Variants in AIM2 observed in about 807,000 individuals in gnomAD.
AIM2 encodes interferon-inducible protein AIM2.
Under a neutral mutation model 27.7 loss-of-function variants are expected in AIM2, and 30 were observed. The observed-to-expected ratio is 1.08, with a 90% CI of 0.81 to 1.47. The LOEUF is 1.47. AIM2 is among the 40% of genes most tolerant of loss of function. The pLI, the probability that AIM2 is intolerant of heterozygous loss-of-function variation, is 0.00. For synonymous variants in AIM2, 141 were observed against 145.3 expected (o/e 0.97, Z 0.21); for missense variants, 358 against 411.3 (o/e 0.87, Z 1.12).
chr1:159,087,432 T>TG (rs1216088426), intron 1 of AIM2, among the ~76,000 whole-genome samples: 2 of 152,026 alleles, frequency 1.3e-5, no homozygotes, highest in African/African-American at 4.8e-5. Context: ...AAGACAAGGA[T>TG]GGGGGGATCA....
At chr1:159,139,370 C>A (rs531563717) in intron 1 of AIM2, among the ~76,000 whole-genome samples, 3 of 152,308 alleles carry the variant, frequency 2.0e-5, no homozygotes, top group African/African-American at 7.2e-5. Flanking sequence ...GCATTCAGAC[C>A]CTTTCCTTTC....
intron 1 of AIM2, among the ~76,000 whole-genome samples, chr1:159,095,827 CA>C (rs1204391438): frequency 3.9e-5 from 6 of 152,070 alleles, no homozygotes; most frequent in African/African-American, 1.4e-4. Context: ...AGGAGAGCCT[CA>C]AAATTTCAAT....
At chr1:159,101,701 C>T (rs1657315004) in intron 1 of AIM2, among the ~76,000 whole-genome samples, 1 of 152,128 alleles carries the variant, frequency 6.6e-6, no homozygotes, top group Admixed American at 6.5e-5. Context: ...TTCTTGGGAG[C>T]TGGAGCAAAC....
intron 1 of AIM2, among the ~76,000 whole-genome samples, chr1:159,087,066 T>C (rs1656930749): frequency 6.6e-6 from 1 of 152,222 alleles, no homozygotes; most frequent in Admixed American, 6.5e-5. Flanking sequence ...TTTATTTAAA[T>C]ACATAATGAA....
rs1656212395 is a variant in AIM2, at chr1:159,068,560, T to C, written c.396+8A>G. On this transcript the variant is annotated splice_region_variant and intron_variant, in intron 3 of 5. Coordinates refer to ENST00000368130, the MANE Select transcript of AIM2 (RefSeq NM_004833.3). ...AGGACAAAGACCACTCCACTCTCCT[T>C]ATCCTACCTTAACATGAGGAGAGAC... 1.2e-6 allele frequency: 2 copies of C among 1,609,854 alleles called. No individual in the cohort carries two copies. Among genetic ancestry groups the C allele is most frequent in the Non-Finnish European group, 1.7e-6 (2 of 1,178,492 alleles).
chr1:159,094,309 T>C (rs1255825897), intron 1 of AIM2, among the ~76,000 whole-genome samples: 1 of 152,178 alleles, frequency 6.6e-6, no homozygotes, highest in Non-Finnish European at 1.5e-5. Context: ...ATTTCATAAA[T>C]TGGGTGGTAG....
chr1:159,057,139 C>A, the AIM2 span, among the ~76,000 whole-genome samples: 2 of 152,196 alleles, frequency 1.3e-5, no homozygotes, highest in African/African-American at 2.4e-5. Flanking sequence ...GTCCCAGCAA[C>A]CTTGGCAGTC....
the AIM2 span, chr1:159,055,121 AAAAT>A: frequency 2.8e-6 from 1 of 359,958 alleles, no homozygotes; most frequent in Middle Eastern, 7.6e-4. Flanking sequence ...ATAATTTGAA[AAAAT>A]AAATAAACAT....
At chr1:159,091,234 T>A (rs1286514214) in intron 1 of AIM2, among the ~76,000 whole-genome samples, 2 of 152,214 alleles carry the variant, frequency 1.3e-5, no homozygotes, top group Non-Finnish European at 2.9e-5. Context: ...AAGGTTACAT[T>A]TTTTATATTT....
At chr1:159,056,514 C>T in the AIM2 span, among the ~76,000 whole-genome samples, 2 of 151,882 alleles carry the variant, frequency 1.3e-5, no homozygotes, top group African/African-American at 4.8e-5. Flanking sequence ...CCCTCAGAGG[C>T]CTATTTAAGG....
At chr1:159,127,286 T>C (rs1383423553) in intron 1 of AIM2, among the ~76,000 whole-genome samples, 2 of 152,236 alleles carry the variant, frequency 1.3e-5, no homozygotes, top group East Asian at 3.8e-4. Context: ...GTATAATTTA[T>C]TTCACAATAA....
At chr1:159,064,277 G>T (rs1260667258) in intron 4 of AIM2, among the ~76,000 whole-genome samples, 2 of 152,200 alleles carry the variant, frequency 1.3e-5, no homozygotes, top group Non-Finnish European at 2.9e-5. Context: ...AGGCAGACGT[G>T]TCTTACTTAG....
chr1:159,066,191 C>T lies in AIM2; in HGVS notation c.535G>A (p.Ala179Thr). 1 of 1,614,192 alleles carries T rather than the reference C, an allele frequency of 6.2e-7. No individual in the cohort carries two copies. The highest frequency in any genetic ancestry group is 8.5e-7 in the Non-Finnish European group (1 of 1,180,038). ...AATTCCTTTTCTGTAGCCACTGTAGCATGAAACATCTCCTGCTTGCCTTCT... is the reference window on the plus strand; with the variant it reads ...AATTCCTTTTCTGTAGCCACTGTAGTATGAAACATCTCCTGCTTGCCTTCT... ...TQEGKQEMFH[A>T]TVATEKEFFF... The change falls in exon 4 of 6, where the codon GCT (alanine) becomes ACT (threonine). Residue 179 changes from alanine to threonine, a missense_variant. Transcript: ENST00000368130.
At chr1:159,120,055 A>G (rs1415793021) in intron 1 of AIM2, among the ~76,000 whole-genome samples, 1 of 151,896 alleles carries the variant, frequency 6.6e-6, no homozygotes, top group Non-Finnish European at 1.5e-5. Flanking sequence ...TTATAGAGTT[A>G]TCTCCCCTCC....
chr1:159,115,818 C>G (rs1647325912), intron 1 of AIM2, among the ~76,000 whole-genome samples: 1 of 152,054 alleles, frequency 6.6e-6, no homozygotes, highest in Non-Finnish European at 1.5e-5. Flanking sequence ...CAACAAAAGC[C>G]AAAATTGACA....
intron 1 of AIM2, among the ~76,000 whole-genome samples, chr1:159,104,463 T>C (rs1195239022): frequency 6.6e-6 from 1 of 152,262 alleles, no homozygotes; most frequent in East Asian, 1.9e-4. Flanking sequence ...TATATAAACC[T>C]TCATTTTCAA....
chr1:159,105,417 G>A lies in AIM2; in HGVS notation c.-16+35014C>T, dbSNP rs554768967. On this transcript the variant is annotated intron_variant, in intron 1 of 2. Coordinates refer to the AIM2 transcript ENST00000368129. ...AGCCTGCAACATAGTGAGTGGGGGG[G>A]CATGTTTCTGCCCTGTTTGTGTTAC... Among the ~76,000 whole-genome samples, 7 of 152,294 alleles carry A rather than the reference G, an allele frequency of 4.6e-5. No individual in the cohort carries two copies. In the South Asian group the frequency reaches 1.5e-3, roughly 32 times the overall value.
intron 1 of AIM2, among the ~76,000 whole-genome samples, chr1:159,126,499 A>T (rs1220119485): frequency 6.6e-6 from 1 of 152,056 alleles, no homozygotes; most frequent in African/African-American, 2.4e-5. Context: ...TACAAAAAAA[A>T]TTAGCTGGGT....
chr1:159,086,746 A>T (rs1656922850), intron 1 of AIM2, among the ~76,000 whole-genome samples: 1 of 152,166 alleles, frequency 6.6e-6, no homozygotes, highest in East Asian at 1.9e-4. Context: ...TGTGGCCTTG[A>T]GTAAGTCTCT....
Sources: allele counts gnomAD v4.1 joint callset (sites outside exome capture counted in the v4.1 genomes callset), GRCh38; gene constraint gnomAD v4.1.1; transcripts MANE v1.5; gene names NCBI Gene and HGNC (gene_info 2026-07-23, HGNC 2026-07-21).